The following NOXA1 variants were observed in gnomAD, a reference collection of about 807,000 sequenced individuals.
NOXA1 encodes NADPH oxidase activator 1.
In NOXA1, 56 loss-of-function variants were observed where a neutral mutation model predicts 64.8. The ratio of observed to expected loss-of-function variants is 0.86; its 90% CI spans 0.70 to 1.08. NOXA1 has a LOEUF of 1.08. Among genes scored for constraint, NOXA1 ranks in the 50% least tolerant of loss-of-function variants. NOXA1 has a pLI of 0.00. For synonymous variants in NOXA1, 295 were observed against 294.8 expected (o/e 1.00, Z -0.01); for missense variants, 668 against 658.5 (o/e 1.01, Z -0.16).
chr9:137,424,206 C>T (rs1222668814), intron 1 of NOXA1, among the ~76,000 whole-genome samples: 2 of 152,206 alleles, frequency 1.3e-5, no homozygotes, highest in African/African-American at 2.4e-5. Flanking sequence ...GCGCTGCCCA[C>T]CCCCGCTCAG....
intron 3 of NOXA1, 52 bp downstream of exon 3, chr9:137,428,193 G>T: frequency 7.6e-7 from 1 of 1,324,474 alleles, no homozygotes; most frequent in Non-Finnish European, 1.1e-6. Flanking sequence ...GTCCACGGGC[G>T]GTGGCACTGT....
intron 1 of NOXA1, among the ~76,000 whole-genome samples, chr9:137,425,113 G>A (rs776070882): frequency 1.1e-4 from 16 of 152,202 alleles, no homozygotes; most frequent in Non-Finnish European, 2.1e-4. Context: ...GCGTGCCTGT[G>A]CTCAGCCGCC....
intron 5 of NOXA1, among the ~76,000 whole-genome samples, chr9:137,430,208 C>T (rs1839046448): frequency 1.3e-5 from 2 of 152,114 alleles, no homozygotes; most frequent in Admixed American, 6.5e-5. Flanking sequence ...TGCAGTCCGA[C>T]GGTCTGGGCC....
intron 5 of NOXA1, among the ~76,000 whole-genome samples, chr9:137,430,358 G>T (rs958544950): frequency 6.6e-6 from 1 of 152,136 alleles, no homozygotes. Context: ...GTCACCCTTG[G>T]CTGGCCACGC....
chr9:137,426,412 C>T (rs548630963), intron 2 of NOXA1, 82 bp downstream of exon 2: 9 of 1,150,776 alleles, frequency 7.8e-6, no homozygotes, highest in South Asian at 7.4e-5. Flanking sequence ...CTCCTCCTCC[C>T]TCTCCATCCA....
chr9:137,434,150 G>A lies in NOXA1; in HGVS notation c.1294+71G>A, dbSNP rs1839259401. 4 of 1,582,844 alleles carry A rather than the reference G, an allele frequency of 2.5e-6. No homozygotes were observed. In the East Asian group the frequency reaches 9.0e-5, roughly 36 times the overall value. On this transcript the variant is annotated intron_variant, in intron 13 of 13. Coordinates refer to ENST00000683555, the MANE Select transcript of NOXA1 (RefSeq NM_001256067.2). Reference sequence around the variant, plus strand: ...GTGTGGGGGGCTTAGAGCTCGGCCTGTGCTGTGAGCAGACGTGGCACCCAG... The same window carrying A: ...GTGTGGGGGGCTTAGAGCTCGGCCTATGCTGTGAGCAGACGTGGCACCCAG...
intron 1 of NOXA1, among the ~76,000 whole-genome samples, chr9:137,425,867 G>A (rs1222404256): frequency 3.4e-5 from 5 of 146,608 alleles, no homozygotes; most frequent in African/African-American, 5.2e-5. Context: ...GCGAGACCCC[G>A]TCTCAAAAAA....
chr9:137,433,940 C>T lies in NOXA1; in HGVS notation c.1180-25C>T, dbSNP rs377598744. On this transcript the variant is annotated intron_variant, in intron 12 of 13. Coordinates refer to ENST00000683555, the MANE Select transcript of NOXA1 (RefSeq NM_001256067.2). ...CCCCTCCTCCCAGTGCCCGGCCCGA[C>T]CTGCAGCCCACTCTCCTGCCTCAGG... The T allele has an allele frequency of 2.4e-5, 37 of 1,532,410 alleles. No individual in the cohort carries two copies. In the African/African-American group the frequency reaches 4.8e-4, roughly 20 times the overall value. 94.9% of individuals were successfully genotyped at this position (1,532,410 alleles called of 1,614,324 possible).
In NOXA1 at chr9:137,433,609, TG is replaced by T; in HGVS notation, c.1064+5del. 1 of 1,544,568 alleles carries T rather than the reference TG, an allele frequency of 6.5e-7. No homozygotes were observed. On this transcript the variant is annotated splice_donor_region_variant and intron_variant, in intron 11 of 13. Coordinates refer to ENST00000683555, the MANE Select transcript of NOXA1 (RefSeq NM_001256067.2). Reference sequence around the variant, plus strand: ...CCAGGCCCAGCTTGGGCAACTCAGGTGGGCCAGAAAGCCCCCGGTGGCTGCG... The same window carrying T: ...CCAGGCCCAGCTTGGGCAACTCAGGTGGCCAGAAAGCCCCCGGTGGCTGCG...
At position 137,433,864 on chromosome 9, in the gene NOXA1, G is replaced by C. The variant is rs913200856; in HGVS notation, c.1179G>C (p.Arg393Ser). ...CCAGGGGGCTGCAGCTGCAGTGCAGGGTGAGCCAAGGGCGAGGCAGGGGCA... is the reference window on the plus strand; with the variant it reads ...CCAGGGGGCTGCAGCTGCAGTGCAGCGTGAGCCAAGGGCGAGGCAGGGGCA... ...ACPRGLQLQC[R>S]GAGGRPVLYQ... The change falls in exon 12 of 14, where the codon AGG becomes AGC. Residue 393 changes from arginine (R) to serine (S), a missense_variant and splice_region_variant. Physicochemically the swap from Arg to Ser is moderately radical, Grantham distance 110. Transcript: ENST00000683555. 3.4e-6 allele frequency: 5 copies of C among 1,463,626 alleles called. No homozygotes were observed. Among genetic ancestry groups the C allele is most frequent in the Admixed American group, 2.6e-5 (1 of 37,784 alleles). The allele number at this position is 1,463,626 out of a possible 1,614,324, so 90.7% of individuals were successfully genotyped here. A position where few individuals can be genotyped will look rare whatever the true frequency, so the allele number is the denominator to read the frequency against.
intron 1 of NOXA1, among the ~76,000 whole-genome samples, chr9:137,425,923 C>G (rs993083515): frequency 1.3e-5 from 2 of 152,154 alleles, no homozygotes; most frequent in Non-Finnish European, 2.9e-5. Context: ...TAACCCCACT[C>G]CCCAGAGGTA....
At chr9:137,426,396 C>T (rs1000893816) in intron 2 of NOXA1, 66 bp downstream of exon 2, 22 of 1,297,564 alleles carry the variant, frequency 1.7e-5, no homozygotes, top group Middle Eastern at 1.8e-4. Context: ...TCCACTCCTG[C>T]ACCTCCTCCT....
At chr9:137,424,368 G>T (rs1453814704) in intron 1 of NOXA1, among the ~76,000 whole-genome samples, 1 of 152,236 alleles carries the variant, frequency 6.6e-6, no homozygotes, top group Non-Finnish European at 1.5e-5. Context: ...TGGGCAAAGC[G>T]CATGAGACCC....
rs760381759 is a variant in NOXA1, at chr9:137,434,259, C to T, written c.1330C>T (p.Arg444Cys). The T allele has an allele frequency of 2.4e-5, 39 of 1,610,922 alleles. No homozygotes were observed. The highest frequency in any genetic ancestry group is 1.8e-4 in the East Asian group (8 of 44,876). ...ATGGCTGGAGGGCCACTGTGACGGC[C>T]GCATCGGCATCTTCCCCAAGTGCTT... ...QAWLEGHCDG[R>C]IGIFPKCFVV... The change falls in exon 14 of 14, where the codon CGC becomes TGC. Residue 444 changes from arginine to cysteine, a missense_variant. Transcript: ENST00000683555.
At chr9:137,432,809 C>T (rs114408288) in intron 8 of NOXA1, among the ~76,000 whole-genome samples, 1,753 of 152,254 alleles carry the variant, frequency 0.012, 33 homozygotes, top group African/African-American at 0.04. Context: ...GGGGACGGGG[C>T]GCTCCCTCCT....
rs370718822 is a variant in NOXA1 at position 137,431,771 on chromosome 9, C to G, written c.804+430C>G. 2.4e-4 allele frequency among the ~76,000 whole-genome samples: 37 copies of G among 152,290 alleles called. No homozygotes were observed. In the East Asian group the frequency reaches 6.6e-3, roughly 27 times the overall value. ...GCAGCGACTCCATCCCCCGAGTCCT[C>G]CCGGACACCCCGGCACCTGGGGAGA... On this transcript the variant is annotated intron_variant, in intron 8 of 13. Coordinates refer to ENST00000683555, the MANE Select transcript of NOXA1 (RefSeq NM_001256067.2). This position sits in a 1 kb window ranked among gnomAD's most constrained non-coding sequence, Gnocchi z 5.6.
In NOXA1 at chr9:137,431,989, G is replaced by T. The variant is rs1362812549; in HGVS notation, c.804+648G>T. ...TCCAGTTTAACCGTGGCATCCCGGG[G>T]GCAAGGGCGCCCTCCAAGCTGTGCT... On this transcript the variant is annotated intron_variant, in intron 8 of 13. Transcript: ENST00000683555. The surrounding 1 kb of genome is among the most constrained non-coding windows in gnomAD (Gnocchi z 5.6). Among the ~76,000 whole-genome samples, 1 of 152,194 alleles carries T rather than the reference G, an allele frequency of 6.6e-6. No individual in the cohort carries two copies. The highest frequency in any genetic ancestry group is 1.5e-5 in the Non-Finnish European group (1 of 68,030).
At chr9:137,428,189 G>A (rs764286961) in intron 3 of NOXA1, 48 bp downstream of exon 3, 71 of 1,365,764 alleles carry the variant, frequency 5.2e-5, no homozygotes, top group East Asian at 3.5e-4. Context: ...GGGTGTCCAC[G>A]GGCGGTGGCA....
At chr9:137,430,022 G>A (rs1259162642) in intron 5 of NOXA1, among the ~76,000 whole-genome samples, 2 of 125,888 alleles carry the variant, frequency 1.6e-5, no homozygotes, top group African/African-American at 6.4e-5. Flanking sequence ...TCCCGGGGGG[G>A]GTGCCTGTGT....
Sources: allele counts gnomAD v4.1 joint callset (sites outside exome capture counted in the v4.1 genomes callset), GRCh38; gene constraint gnomAD v4.1.1; non-coding constraint Gnocchi (gnomAD v3.1); transcripts MANE v1.5; gene names NCBI Gene and HGNC (gene_info 2026-07-23, HGNC 2026-07-21).